KIAA1217: variants seen among roughly 807,000 people sequenced by gnomAD.
The protein encoded by KIAA1217 is sickle tail protein homolog.
A neutral mutation model predicts 163.9 loss-of-function variants in KIAA1217; 88 were observed. That is an observed-to-expected ratio of 0.54 (90% CI 0.45 to 0.64). KIAA1217 has a LOEUF of 0.64. Ranked by LOEUF, KIAA1217 falls within the 30% of genes least tolerant of loss-of-function variation. The probability of loss-of-function intolerance (pLI) is 0.00; values close to 1 mark genes in which losing one functional copy is unlikely to be tolerated. For missense variants in KIAA1217, 2,372 were observed against 2,475.0 expected, an observed-to-expected ratio of 0.96 and a Z score of 0.88; for synonymous variants, 903 against 923.1, an observed-to-expected ratio of 0.98 and a Z score of 0.39.
At chr10:24,224,415 C>A (rs1340933333) in intron 2 of KIAA1217, among the ~76,000 whole-genome samples, 1 of 152,038 alleles carries the variant, frequency 6.6e-6, no homozygotes. Context: ...TCTTGGCTCA[C>A]TGCAACCTCC....
intron 3 of KIAA1217, among the ~76,000 whole-genome samples, chr10:24,405,154 T>A (rs555648915): frequency 2.0e-5 from 3 of 152,302 alleles, no homozygotes; most frequent in Non-Finnish European, 4.4e-5. Flanking sequence ...TGTGTATGTG[T>A]ATCAACCTGA....
At position 23,927,325 on chromosome 10, in the gene KIAA1217, GGTGT is replaced by G. The variant is rs57321785; in HGVS notation, c.-320-79868_-320-79865del. ...CAAGGCTCACCCTAGCAAGTCATAGGGTGTGTGTGTGTGTGTGTGTGTGTGTGTG... is the reference window on the plus strand; with the variant it reads ...CAAGGCTCACCCTAGCAAGTCATAGGGTGTGTGTGTGTGTGTGTGTGTGTG... On this transcript the variant is annotated intron_variant, in intron 1 of 18. Coordinates refer to the KIAA1217 transcript ENST00000376462. 2.1e-3 allele frequency among the ~76,000 whole-genome samples: 307 copies of G among 143,038 alleles called. 2 individuals carry two copies. Among genetic ancestry groups the G allele is most frequent in the East Asian group, 0.011 (53 of 4,824 alleles). 93.8% of individuals were successfully genotyped at this position (143,038 alleles called of 152,430 possible). A position where few individuals can be genotyped will look rare whatever the true frequency, so the allele number is the denominator to read the frequency against.
intron 2 of KIAA1217, among the ~76,000 whole-genome samples, chr10:24,269,866 T>C (rs1156380115): frequency 3.3e-5 from 5 of 152,290 alleles, no homozygotes; most frequent in South Asian, 2.1e-4. Flanking sequence ...CTTCTAAAGA[T>C]TGGGGCCCCG....
chr10:23,768,282 C>T (rs1299404716), intron 1 of KIAA1217, among the ~76,000 whole-genome samples: 2 of 151,262 alleles, frequency 1.3e-5, no homozygotes, highest in Non-Finnish European at 2.9e-5. Context: ...GCATATTCAC[C>T]CCCAATGCTG....
At chr10:23,777,426 A>G (rs1835053054) in intron 1 of KIAA1217, among the ~76,000 whole-genome samples, 1 of 152,204 alleles carries the variant, frequency 6.6e-6, no homozygotes, top group South Asian at 2.1e-4. Flanking sequence ...TTAATCTGTA[A>G]TGAAGATCAG....
At chr10:24,032,606 G>A (rs541439778) in intron 2 of KIAA1217, among the ~76,000 whole-genome samples, 6 of 152,294 alleles carry the variant, frequency 3.9e-5, no homozygotes, top group South Asian at 2.1e-4. Context: ...CCTTTAAAGA[G>A]AGACAGGAGC....
At chr10:24,168,569 C>A (rs183904877) in intron 2 of KIAA1217, among the ~76,000 whole-genome samples, 1 of 152,308 alleles carries the variant, frequency 6.6e-6, no homozygotes, top group Non-Finnish European at 1.5e-5. Flanking sequence ...ACGTGACCAG[C>A]TGAATGGCTG....
At chr10:23,941,666 C>A (rs1332925285) in intron 1 of KIAA1217, among the ~76,000 whole-genome samples, 1 of 152,110 alleles carries the variant, frequency 6.6e-6, no homozygotes, top group Non-Finnish European at 1.5e-5. Flanking sequence ...TTTTAGCTGA[C>A]CCCTGAACAT....
At chr10:24,092,928 T>TGTGTGTTGTGTGTGTGTG (rs548350322) in intron 2 of KIAA1217, among the ~76,000 whole-genome samples, 2 of 140,952 alleles carry the variant, frequency 1.4e-5, no homozygotes, top group African/African-American at 5.5e-5. Flanking sequence ...TGTGTGTGTG[T>TGTGTGTTGTGTGTGTGTG]TGTGTGTGTG....
chr10:23,809,646 TA>T (rs1588865057), intron 1 of KIAA1217, among the ~76,000 whole-genome samples: 1 of 152,010 alleles, frequency 6.6e-6, no homozygotes, highest in Non-Finnish European at 1.5e-5. Flanking sequence ...ATCTATAAAT[TA>T]GTAAGAATTT....
intron 1 of KIAA1217, among the ~76,000 whole-genome samples, chr10:23,777,036 C>A (rs1397458094): frequency 6.6e-6 from 1 of 152,110 alleles, no homozygotes; most frequent in Non-Finnish European, 1.5e-5. Flanking sequence ...TCCAAAATTT[C>A]TCTCATGAGC....
intron 1 of KIAA1217, among the ~76,000 whole-genome samples, chr10:23,934,641 G>A (rs187825416): frequency 0.045 from 4,178 of 93,716 alleles, 446 homozygotes; most frequent in African/African-American, 0.21. Context: ...TTTTTGAGAC[G>A]GAGTCTCGCT....
At chr10:24,528,648 AC>A (rs2134928499) in intron 14 of KIAA1217, among the ~76,000 whole-genome samples, 1 of 152,290 alleles carries the variant, frequency 6.6e-6, no homozygotes, top group South Asian at 2.1e-4. Flanking sequence ...TTTTATGCTA[AC>A]CACAGTAGAG....
At chr10:24,063,165 TG>T (rs762518353) in intron 2 of KIAA1217, among the ~76,000 whole-genome samples, 74 of 152,304 alleles carry the variant, frequency 4.9e-4, no homozygotes, top group Non-Finnish European at 9.0e-4. Flanking sequence ...TTGTCAATTT[TG>T]GCTTTTGTTG....
intron 2 of KIAA1217, among the ~76,000 whole-genome samples, chr10:24,329,540 G>A (rs1288248849): frequency 2.6e-5 from 4 of 152,048 alleles, no homozygotes; most frequent in South Asian, 2.1e-4. Flanking sequence ...GGCAATGTAC[G>A]CTCTCCTGGA....
In KIAA1217 at chr10:24,158,855, G is replaced by A. The variant is rs529590323; in HGVS notation, c.-170-60771G>A. Reference sequence around the variant, plus strand: ...TTAGCAGAGTGCTGCTGGTTCCTTCGGTTAGTTATATAACTGTTCCTGCAG... The same window carrying A: ...TTAGCAGAGTGCTGCTGGTTCCTTCAGTTAGTTATATAACTGTTCCTGCAG... On this transcript the variant is annotated intron_variant, in intron 2 of 18. Coordinates refer to the KIAA1217 transcript ENST00000376462. 5.0e-5 allele frequency: 16 copies of A among 319,984 alleles called. No individual in the cohort carries two copies. The East Asian group carries it at 7.3e-4, about 15-fold the overall frequency. 19.8% of individuals were successfully genotyped at this position (319,984 alleles called of 1,614,324 possible). A position where few individuals can be genotyped will look rare whatever the true frequency, so the allele number is the denominator to read the frequency against.
chr10:24,077,118 C>T (rs1648918466), intron 2 of KIAA1217, among the ~76,000 whole-genome samples: 1 of 152,090 alleles, frequency 6.6e-6, no homozygotes, highest in East Asian at 1.9e-4. Context: ...CTCAGGTGAT[C>T]CACTGACCTC....
chr10:24,025,023 T>C lies in KIAA1217; in HGVS notation c.-171+17649T>C, dbSNP rs537629658. Among the ~76,000 whole-genome samples, 2 of 151,796 alleles carry C rather than the reference T, an allele frequency of 1.3e-5. 1 individual carries two copies. The highest frequency in any genetic ancestry group is 4.1e-4 in the South Asian group (2 of 4,832). ...TTTAACTTTTGAAGAGCTAATGTTTTTAATTGTGTAACAATACTTTCTTAT... is the reference window on the plus strand; with the variant it reads ...TTTAACTTTTGAAGAGCTAATGTTTCTAATTGTGTAACAATACTTTCTTAT... On this transcript the variant is annotated intron_variant, in intron 2 of 18. Coordinates refer to the KIAA1217 transcript ENST00000376462.
chr10:23,741,647 G>T (rs1239243265), intron 1 of KIAA1217, among the ~76,000 whole-genome samples: 3 of 152,332 alleles, frequency 2.0e-5, no homozygotes, highest in East Asian at 1.9e-4. Context: ...CCAGCTCTGG[G>T]TGGCCTGAGC....
Sources: allele counts gnomAD v4.1 joint callset (sites outside exome capture counted in the v4.1 genomes callset), GRCh38; gene constraint gnomAD v4.1.1; transcripts MANE v1.5; gene names NCBI Gene and HGNC (gene_info 2026-07-23, HGNC 2026-07-21).